Variants in RSL1D1 observed in about 807,000 individuals in gnomAD.
RSL1D1 encodes ribosomal L1 domain-containing protein 1.
A neutral mutation model predicts 44.6 loss-of-function variants in RSL1D1; 34 were observed. The observed-to-expected ratio is 0.76, with a 90% CI of 0.58 to 1.02. The LOEUF (loss-of-function observed/expected upper bound fraction) is 1.02, where lower values mean the gene tolerates loss of function less well. RSL1D1 is among the 50% of genes least tolerant of loss of function. The pLI, the probability that RSL1D1 is intolerant of heterozygous loss-of-function variation, is 0.00. For missense variants in RSL1D1, 767 were observed against 568.1 expected (o/e 1.35, Z -3.56); for synonymous variants, 271 against 207.4 (o/e 1.31, Z -2.63).
At chr16:11,843,718 A>C (rs2053779091) in intron 5 of RSL1D1, among the ~76,000 whole-genome samples, 1 of 151,698 alleles carries the variant, frequency 6.6e-6, no homozygotes, top group Non-Finnish European at 1.5e-5. Flanking sequence ...AAAATACAAA[A>C]AAATTAGCTG....
In RSL1D1 at chr16:11,847,881, G is replaced by A. The variant is rs115647315; in HGVS notation, c.246-75C>T. The A allele has an allele frequency of 5.1e-4, 720 of 1,412,008 alleles. 5 individuals carry two copies. The African/African-American group carries it at 8.2e-3, about 16-fold the overall frequency. 87.5% of individuals were successfully genotyped at this position (1,412,008 alleles called of 1,614,324 possible). ...TGCATGTTTGTATCACACAGAATAC[G>A]CGATAAACTTAGTGTTATTTAAATA... On this transcript the variant is annotated intron_variant, in intron 2 of 8. Transcript: ENST00000571133.
rs900075713 is a variant in RSL1D1, at chr16:11,841,808, C to A, written c.742G>T (p.Val248Leu). 6.2e-7 allele frequency: 1 copy of A among 1,613,476 alleles called. No individual in the cohort carries two copies. Residue 248 changes from valine to leucine, a missense_variant, in exon 7 of 9, where the codon GTG (valine) becomes TTG (leucine). Physicochemically the swap from Val to Leu is conservative, Grantham distance 32. Coordinates refer to ENST00000571133, the MANE Select transcript of RSL1D1 (RefSeq NM_015659.3). ...TCAGTTTTCACAAACAGGAGTTTCA[C>A]GCTCTCCCACTTCTGAAACAAAGAA... ...SEKLPEKWES[V>L]KLLFVKTEKS...
intron 1 of RSL1D1, 145 bp from the exon 2 acceptor site, chr16:11,850,563 C>T: frequency 4.0e-6 from 3 of 756,980 alleles, no homozygotes; most frequent in Non-Finnish European, 4.2e-6. Context: ...AAGGGGTAAC[C>T]TCCATAACCG....
In RSL1D1 at chr16:11,838,123, A is replaced by G. The variant is rs762292242; in HGVS notation, c.1147-10T>C. On this transcript the variant is annotated splice_polypyrimidine_tract_variant and intron_variant, in intron 8 of 8. Coordinates refer to ENST00000571133, the MANE Select transcript of RSL1D1 (RefSeq NM_015659.3). ...TGGCATGTTTTTGAATCTAAGAAAA[A>G]AAAAAGTAAGTTTAATATAGAAAAA... The G allele has an allele frequency of 3.9e-6, 6 of 1,558,336 alleles. No individual in the cohort carries two copies. The highest frequency in any genetic ancestry group is 5.2e-6 in the Non-Finnish European group (6 of 1,158,610).
chr16:11,836,998 G>C lies in RSL1D1; in HGVS notation c.*789C>G, dbSNP rs576172074. 80 of 152,312 alleles carry C rather than the reference G, an allele frequency of 5.3e-4. No homozygotes were observed. Among genetic ancestry groups the C allele is most frequent in the Non-Finnish European group, 9.4e-4 (64 of 68,044 alleles). The allele number at this position is 152,312 out of a possible 1,614,324, so 9.4% of individuals were successfully genotyped here. Reference sequence around the variant, plus strand: ...GTTATACTTTGTTTTTTCTGAGACAGAATCTCACACTGTCACCCAGGCTAC... The same window carrying C: ...GTTATACTTTGTTTTTTCTGAGACACAATCTCACACTGTCACCCAGGCTAC... On this transcript the variant is annotated 3_prime_UTR_variant, in exon 9 of 9. Transcript: ENST00000571133.
chr16:11,840,713 T>C (rs1007285922), intron 7 of RSL1D1, among the ~76,000 whole-genome samples: 1 of 152,208 alleles, frequency 6.6e-6, no homozygotes, highest in African/African-American at 2.4e-5. Flanking sequence ...ACTGAAAACC[T>C]ACAAACCAAG....
chr16:11,841,769 G>C lies in RSL1D1; in HGVS notation c.781C>G (p.Leu261Val), dbSNP rs753676594. 6.2e-7 allele frequency: 1 copy of C among 1,614,104 alleles called. No individual in the cohort carries two copies. Among genetic ancestry groups the C allele is most frequent in the Non-Finnish European group, 8.5e-7 (1 of 1,179,966 alleles). ...LFVKTEKSAA[L>V]PIFSSFVSNW... Reference sequence around the variant, plus strand: ...CTGACAAACGAGGAAAAGATGGGAAGTGCAGCCGATTTCTCAGTTTTCACA... The same window carrying C: ...CTGACAAACGAGGAAAAGATGGGAACTGCAGCCGATTTCTCAGTTTTCACA... Residue 261 changes from leucine to valine, a missense_variant, in exon 7 of 9, where the codon CTT (leucine) becomes GTT (valine). By Grantham distance (32) the Leu-to-Val change is conservative (BLOSUM62 1). Transcript: ENST00000571133.
chr16:11,837,676 T>G lies in RSL1D1; in HGVS notation c.*111A>C. 9.6e-7 allele frequency: 1 copy of G among 1,046,570 alleles called. No individual in the cohort carries two copies. The allele number at this position is 1,046,570 out of a possible 1,614,324, so 64.8% of individuals were successfully genotyped here. ...ACTTATGGAGGTTTTAAAAAATCTTTTAAGTCCAGGCCTGACGTTTAGAGA... is the reference window on the plus strand; with the variant it reads ...ACTTATGGAGGTTTTAAAAAATCTTGTAAGTCCAGGCCTGACGTTTAGAGA... On this transcript the variant is annotated 3_prime_UTR_variant, in exon 9 of 9. Transcript: ENST00000571133.
chr16:11,839,526 TAAAAAAA>T (rs55657359), intron 8 of RSL1D1, among the ~76,000 whole-genome samples, 162 bp downstream of exon 8: 1 of 121,424 alleles, frequency 8.2e-6, no homozygotes, highest in African/African-American at 3.1e-5. Flanking sequence ...AGATCCCATC[TAAAAAAA>T]AAAAAAAAAA....
At chr16:11,848,618 C>G (rs2053815146) in intron 2 of RSL1D1, among the ~76,000 whole-genome samples, 1 of 152,134 alleles carries the variant, frequency 6.6e-6, no homozygotes, top group African/African-American at 2.4e-5. Flanking sequence ...TCCAGCATAG[C>G]TGAGACTCCA....
chr16:11,846,873 G>T (rs755535628), intron 3 of RSL1D1, 30 bp from the exon 4 acceptor site: 9 of 1,548,592 alleles, frequency 5.8e-6, no homozygotes, highest in Non-Finnish European at 8.0e-6. Flanking sequence ...ATAAAAACAA[G>T]AAGTTAGGAA....
rs1267799043 is a variant in RSL1D1, at chr16:11,841,941, G to C, written c.695C>G (p.Ala232Gly). The C allele has an allele frequency of 2.8e-5, 45 of 1,613,774 alleles. No homozygotes were observed. Among genetic ancestry groups the C allele is most frequent in the Non-Finnish European group, 3.8e-5 (45 of 1,179,918 alleles). The change falls in exon 6 of 9, where the codon GCT (alanine) becomes GGT (glycine). Residue 232 changes from alanine (A) to glycine (G), a missense_variant. By Grantham distance (60) the Ala-to-Gly change is moderately conservative. Coordinates refer to ENST00000571133, the MANE Select transcript of RSL1D1 (RefSeq NM_015659.3). The stretch of plus-strand genomic sequence containing the variant: ...TTTTTCTGAAAGTCCTTTGGTGACA[G>C]CAACAATGTTTTCAATGATGTGCTC... The part of the protein sequence containing the change: ...QIEHIIENIV[A>G]VTKGLSEKLP...
rs369003798 is a variant in RSL1D1, at chr16:11,851,516, G to T, written c.-4C>A. ...AGGCCGAGGCCGAATCCTCCATCTT[G>T]TTTCCACCTCGTGAAGAGGCGCGTG... On this transcript the variant is annotated 5_prime_UTR_variant, in exon 1 of 9. Coordinates refer to ENST00000571133, the MANE Select transcript of RSL1D1 (RefSeq NM_015659.3). The T allele has an allele frequency of 1.9e-6, 3 of 1,613,316 alleles. No individual in the cohort carries two copies. The highest frequency in any genetic ancestry group is 2.5e-6 in the Non-Finnish European group (3 of 1,179,890).
chr16:11,841,698 T>C lies in RSL1D1; in HGVS notation c.852A>G (p.Lys284=). 3 of 1,610,298 alleles carry C rather than the reference T, an allele frequency of 1.9e-6. No individual in the cohort carries two copies. The highest frequency in any genetic ancestry group is 2.5e-6 in the Non-Finnish European group (3 of 1,178,864). The stretch of plus-strand genomic sequence containing the variant: ...AAGTATTTAAAATTCTACTAACTTT[T>C]TTCTTCTTATTAAGCAAAGATCTTT... ...ATKRSLLNKK[K]KEARRKRRER... The change falls in exon 7 of 9, where the codon AAA becomes AAG. Residue 284 remains lysine (K), a synonymous_variant. Coordinates refer to ENST00000571133, the MANE Select transcript of RSL1D1 (RefSeq NM_015659.3).
In RSL1D1 at chr16:11,835,184, GT is replaced by G. The variant is rs74713371; in HGVS notation, c.*2602del. On this transcript the variant is annotated 3_prime_UTR_variant, in exon 9 of 9. Coordinates refer to ENST00000571133, the MANE Select transcript of RSL1D1 (RefSeq NM_015659.3). ...CCTCTAATTTCAGGGAGAGCTAGAT[GT>G]TTTTTTTTTTCTCTTTTTTTCAGTT... The G allele has an allele frequency of 1.8e-4, 26 of 148,178 alleles. No individual in the cohort carries two copies. Among genetic ancestry groups the G allele is most frequent in the African/African-American group, 3.2e-4 (13 of 40,542 alleles). 9.2% of individuals were successfully genotyped at this position (148,178 alleles called of 1,614,324 possible). A position where few individuals can be genotyped will look rare whatever the true frequency, so the allele number is the denominator to read the frequency against.
intron 8 of RSL1D1, among the ~76,000 whole-genome samples, chr16:11,838,764 C>T (rs369155383): frequency 3.4e-5 from 5 of 146,638 alleles, no homozygotes; most frequent in African/African-American, 7.7e-5. Flanking sequence ...GGCTGAGGCA[C>T]GAGAATTGCT....
At chr16:11,843,097 ATTT>A (rs752674268) in intron 5 of RSL1D1, among the ~76,000 whole-genome samples, 3 of 118,274 alleles carry the variant, frequency 2.5e-5, no homozygotes, top group Admixed American at 8.4e-5. Context: ...AATTTTTTGT[ATTT>A]TTTTTTTTTT....
intron 7 of RSL1D1, 57 bp from the exon 8 acceptor site, chr16:11,840,042 C>T (rs2053754322): frequency 8.2e-6 from 13 of 1,579,188 alleles, no homozygotes; most frequent in South Asian, 4.7e-5. Context: ...GGTTAACAAA[C>T]GGCATAGATG....
rs961519067 is a variant in RSL1D1, at chr16:11,834,042, C to T, written c.*3745G>A. 4 of 152,126 alleles carry T rather than the reference C, an allele frequency of 2.6e-5. No individual in the cohort carries two copies. The highest frequency in any genetic ancestry group is 9.7e-5 in the African/African-American group (4 of 41,422). The allele number at this position is 152,126 out of a possible 1,614,324, so 9.4% of individuals were successfully genotyped here. On this transcript the variant is annotated 3_prime_UTR_variant, in exon 9 of 9. Transcript: ENST00000571133. ...CCAACAATGAAATATCACCCTCATA[C>T]TTGGCCCACGAGAACATCATATACC...
Sources: allele counts gnomAD v4.1 joint callset (sites outside exome capture counted in the v4.1 genomes callset), GRCh38; gene constraint gnomAD v4.1.1; transcripts MANE v1.5; gene names NCBI Gene and HGNC (gene_info 2026-07-23, HGNC 2026-07-21).